The following WWC1 variants were observed in gnomAD, a reference collection of about 807,000 sequenced individuals.
WWC1 encodes protein KIBRA.
WWC1 carries 55 observed loss-of-function variants against 138.4 expected under a neutral mutation model. The observed-to-expected ratio is 0.40, with a 90% CI of 0.32 to 0.50. The LOEUF is 0.50. WWC1 is among the 20% of genes least tolerant of loss of function. The pLI is 0.72. For missense variants in WWC1, 1,226 were observed against 1,420.4 expected (o/e 0.86, Z 2.20); for synonymous variants, 524 against 564.9 (o/e 0.93, Z 1.03).
At chr5:168,318,712 A>G (rs1771814627) in intron 1 of WWC1, among the ~76,000 whole-genome samples, 2 of 152,032 alleles carry the variant, frequency 1.3e-5, no homozygotes, top group African/African-American at 4.8e-5. Context: ...GGCACCTGCT[A>G]CCACACCTGG....
intron 1 of WWC1, among the ~76,000 whole-genome samples, chr5:168,313,553 T>C (rs556634221): frequency 2.0e-5 from 3 of 150,542 alleles, no homozygotes; most frequent in African/African-American, 7.3e-5. Flanking sequence ...ATTGCACCAC[T>C]GCACTCCAGC....
intron 1 of WWC1, among the ~76,000 whole-genome samples, chr5:168,342,028 TG>T (rs919971863): frequency 1.3e-5 from 2 of 152,098 alleles, no homozygotes; most frequent in African/African-American, 4.8e-5. Flanking sequence ...GCATGTGTAA[TG>T]GGAGGAAACA....
At position 168,464,961 on chromosome 5, in the gene WWC1, G is replaced by A. The variant is rs753541512; in HGVS notation, c.3149G>A (p.Arg1050Gln). ...CTGCTGCTGAGGATGCTGGAGAAGC[G>A]GGTGAGTTCTGCCTCGAAGGCAGGG... ...FRLLLRMLEK[R>Q]QMDRAEHKGE... Residue 1050 changes from arginine (R) to glutamine (Q), a missense_variant and splice_region_variant, in exon 21 of 23, where the codon CGG (arginine) becomes CAG (glutamine). This residue lies in a region of WWC1 where 206 missense variants were observed against 247.4 expected (regional missense o/e 0.83). Coordinates refer to ENST00000265293, the MANE Select transcript of WWC1 (RefSeq NM_015238.3). 13 of 1,613,564 alleles carry A rather than the reference G, an allele frequency of 8.1e-6. No homozygotes were observed. The highest frequency in any genetic ancestry group is 1.7e-5 in the Admixed American group (1 of 60,002).
At chr5:168,467,591 C>T in intron 21 of WWC1, 2 of 463,754 alleles carry the variant, frequency 4.3e-6, no homozygotes, top group Non-Finnish European at 7.5e-6. Flanking sequence ...GCGCACATTT[C>T]AACAGGCAGC....
intron 1 of WWC1, among the ~76,000 whole-genome samples, chr5:168,301,092 A>G (rs1770027024): frequency 6.6e-6 from 1 of 152,204 alleles, no homozygotes; most frequent in Non-Finnish European, 1.5e-5. Flanking sequence ...ATCCTTATCC[A>G]TTGTCTGTCA....
intron 1 of WWC1, among the ~76,000 whole-genome samples, chr5:168,317,529 A>G (rs1434574309): frequency 1.3e-5 from 2 of 152,086 alleles, no homozygotes; most frequent in African/African-American, 2.4e-5. Flanking sequence ...CTCCAGACCC[A>G]TGCTTCTTGT....
chr5:168,432,784 G>A (rs1481516761), intron 15 of WWC1, among the ~76,000 whole-genome samples: 1 of 152,146 alleles, frequency 6.6e-6, no homozygotes, highest in Non-Finnish European at 1.5e-5. Context: ...GAAATGGATG[G>A]GTTGAAGTGA....
chr5:168,366,802 C>CTTTTTT (rs202012790), intron 1 of WWC1, among the ~76,000 whole-genome samples: 33 of 100,558 alleles, frequency 3.3e-4, no homozygotes, highest in Non-Finnish European at 4.6e-4. Context: ...CTTTGAAACA[C>CTTTTTT]TTTTTTTTTT....
At chr5:168,422,911 C>T (rs568697907) in intron 10 of WWC1, among the ~76,000 whole-genome samples, 76 of 151,912 alleles carry the variant, frequency 5.0e-4, no homozygotes, top group African/African-American at 1.8e-3. Flanking sequence ...TTTGGGAGGC[C>T]GACGCAGGCG....
intron 1 of WWC1, among the ~76,000 whole-genome samples, chr5:168,370,536 G>T (rs2152806868): frequency 6.6e-6 from 1 of 152,314 alleles, no homozygotes; most frequent in Admixed American, 6.5e-5. Flanking sequence ...GAAGGAGATT[G>T]TAGAATATGT....
chr5:168,420,344 G>C (rs1011124168), intron 9 of WWC1, among the ~76,000 whole-genome samples: 1 of 152,034 alleles, frequency 6.6e-6, no homozygotes, highest in African/African-American at 2.4e-5. Context: ...GTCTTCCCCC[G>C]TGCCTGTGCC....
Position 168,352,195 on chromosome 5 carries a change from A to G in WWC1, c.120-19229A>G, listed in dbSNP as rs527515827. 1.3e-5 allele frequency among the ~76,000 whole-genome samples: 2 copies of G among 152,328 alleles called. 1 individual carries two copies. Among genetic ancestry groups the G allele is most frequent in the South Asian group, 4.1e-4 (2 of 4,822 alleles). ...TTATTGAGGCCCTCTTGGCTTCTCA[A>G]GCTTTCTGAGCCTTAGTGTCATCAT... is the stretch of plus-strand genomic sequence containing the variant. On this transcript the variant is annotated intron_variant, in intron 1 of 22. Coordinates refer to ENST00000265293, the MANE Select transcript of WWC1 (RefSeq NM_015238.3).
rs1359996567 is a variant in WWC1, at chr5:168,465,547, G to T, written c.3150+585G>T. Among the ~76,000 whole-genome samples the T allele has an allele frequency of 1.2e-3, 25 of 20,378 alleles. 3 individuals carry two copies. Among genetic ancestry groups the T allele is most frequent in the African/African-American group, 2.4e-3 (6 of 2,488 alleles). The allele number at this position is 20,378 out of a possible 152,430, so 13.4% of individuals were successfully genotyped here. ...GCACACAAAGTTTTATATCAGCTGG[G>T]CTTTTTTTTTTTTTTTTTTTTTTTT... is the stretch of plus-strand genomic sequence containing the variant. On this transcript the variant is annotated intron_variant, in intron 21 of 22. Transcript: ENST00000265293.
chr5:168,414,194 T>C (rs1398205729), intron 8 of WWC1, 154 bp from the exon 9 acceptor site: 4 of 1,184,418 alleles, frequency 3.4e-6, no homozygotes, highest in Non-Finnish European at 4.6e-6. Flanking sequence ...CATGTGTTTG[T>C]TTAGAAAAAA....
intron 8 of WWC1, among the ~76,000 whole-genome samples, chr5:168,410,977 C>A (rs1780191465): frequency 6.7e-6 from 1 of 148,688 alleles, no homozygotes; most frequent in Non-Finnish European, 1.5e-5. Context: ...CTCTGTCACC[C>A]AGGATGGAGT....
At chr5:168,456,229 A>G (rs892797896) in intron 19 of WWC1, among the ~76,000 whole-genome samples, 1 of 152,192 alleles carries the variant, frequency 6.6e-6, no homozygotes, top group African/African-American at 2.4e-5. Context: ...GCTTGAGCCC[A>G]GGAGTCCAAC....
chr5:168,335,357 A>G (rs931338337), intron 1 of WWC1, among the ~76,000 whole-genome samples: 5 of 152,250 alleles, frequency 3.3e-5, no homozygotes, highest in Admixed American at 2.0e-4. Flanking sequence ...ATGGCGGCTC[A>G]CACCTGTAAT....
intron 16 of WWC1, 25 bp downstream of exon 16, chr5:168,441,859 C>T (rs1429020763): frequency 1.2e-6 from 2 of 1,607,636 alleles, no homozygotes; most frequent in Non-Finnish European, 1.7e-6. Context: ...GGTGTGCCAC[C>T]TTCCCACAAG....
At chr5:168,338,056 A>C (rs1479818877) in intron 1 of WWC1, among the ~76,000 whole-genome samples, 2 of 152,132 alleles carry the variant, frequency 1.3e-5, no homozygotes, top group Middle Eastern at 3.2e-3. Flanking sequence ...CATGCCTGTA[A>C]TCCCAGCACT....
Sources: gnomAD v4.1 joint callset for allele counts (sites outside exome capture counted in the v4.1 genomes callset) on GRCh38, gnomAD v4.1.1 for gene constraint, gnomAD v4.1.1 regional missense constraint, MANE v1.5 for transcripts, NCBI Gene and HGNC (gene_info 2026-07-23, HGNC 2026-07-21) for gene names.